Variants in PPFIA2 observed in about 807,000 individuals in gnomAD.
PPFIA2 encodes the protein liprin-alpha-2.
A neutral mutation model predicts 175.5 loss-of-function variants in PPFIA2; 46 were observed. The observed-to-expected ratio is 0.26, with a 90% CI of 0.21 to 0.34. The LOEUF (loss-of-function observed/expected upper bound fraction) is 0.34, where lower values mean the gene tolerates loss of function less well. Ranked by LOEUF, PPFIA2 falls within the 10% of genes least tolerant of loss-of-function variation. The probability of loss-of-function intolerance (pLI) is 1.00; values close to 1 mark genes in which losing one functional copy is unlikely to be tolerated. For missense variants in PPFIA2, 1,179 were observed against 1,506.1 expected (o/e 0.78, Z 3.60); for synonymous variants, 568 against 511.4 (o/e 1.11, Z -1.49).
chr12:81,501,396 A>G (rs1015467703), intron 4 of PPFIA2, among the ~76,000 whole-genome samples: 2 of 152,154 alleles, frequency 1.3e-5, no homozygotes, highest in Non-Finnish European at 2.9e-5. Context: ...CTTTACATTT[A>G]ATCAGAACAT....
At chr12:81,511,077 AT>A (rs1439542403) in intron 4 of PPFIA2, among the ~76,000 whole-genome samples, 1 of 152,128 alleles carries the variant, frequency 6.6e-6, no homozygotes, top group Non-Finnish European at 1.5e-5. Flanking sequence ...TAAGATTTTC[AT>A]TGCAAGATAC....
chr12:81,275,369 A>G (rs1013830789), intron 28 of PPFIA2, among the ~76,000 whole-genome samples: 3 of 152,234 alleles, frequency 2.0e-5, no homozygotes, highest in Non-Finnish European at 4.4e-5. Flanking sequence ...GTAGAAAACT[A>G]TTTTTAACCA....
intron 4 of PPFIA2, among the ~76,000 whole-genome samples, chr12:81,591,046 G>A (rs1043749849): frequency 1.3e-5 from 2 of 152,170 alleles, no homozygotes; most frequent in Non-Finnish European, 2.9e-5. Flanking sequence ...CTTATTGAAT[G>A]ACTTTGACCA....
intron 4 of PPFIA2, among the ~76,000 whole-genome samples, chr12:81,612,647 A>G (rs2061042111): frequency 6.6e-6 from 1 of 152,216 alleles, no homozygotes; most frequent in South Asian, 2.1e-4. Flanking sequence ...CAAGTGAACA[A>G]AAAGGCATGT....
intron 4 of PPFIA2, among the ~76,000 whole-genome samples, chr12:81,574,522 G>T (rs889758155): frequency 6.6e-6 from 1 of 151,684 alleles, no homozygotes; most frequent in Non-Finnish European, 1.5e-5. Context: ...CATCCCTGGT[G>T]TAAAAGATTG....
Position 81,303,176 on chromosome 12 carries a change from A to G in PPFIA2, c.2643-3794T>C, listed in dbSNP as rs116913902. Among the ~76,000 whole-genome samples, 176 of 152,342 alleles carry G rather than the reference A, an allele frequency of 1.2e-3. 7 individuals are homozygous for G. The East Asian group carries it at 0.031, about 27-fold the overall frequency. Reference sequence around the variant, plus strand: ...CAACTTTTTTTAAAGGTCAAGTGACAGTTCATCCAGAAAAAGAATGTGATC... The same window carrying G: ...CAACTTTTTTTAAAGGTCAAGTGACGGTTCATCCAGAAAAAGAATGTGATC... On this transcript the variant is annotated intron_variant, in intron 22 of 32. Coordinates refer to ENST00000549396, the MANE Select transcript of PPFIA2 (RefSeq NM_003625.5).
At chr12:81,453,364 A>G (rs1023617832) in intron 5 of PPFIA2, among the ~76,000 whole-genome samples, 1 of 152,148 alleles carries the variant, frequency 6.6e-6, no homozygotes, top group Non-Finnish European at 1.5e-5. Context: ...TGACATTCAC[A>G]GGCAATAACT....
At chr12:81,561,624 A>G (rs1020091170) in intron 4 of PPFIA2, among the ~76,000 whole-genome samples, 1 of 152,142 alleles carries the variant, frequency 6.6e-6, no homozygotes, top group African/African-American at 2.4e-5. Context: ...AATAAATTTT[A>G]TATTCTCTGG....
intron 4 of PPFIA2, among the ~76,000 whole-genome samples, chr12:81,556,062 AG>A (rs943786881): frequency 6.6e-6 from 1 of 151,958 alleles, no homozygotes; most frequent in Non-Finnish European, 1.5e-5. Context: ...GTCTGTAACT[AG>A]CCATGATATG....
intron 22 of PPFIA2, among the ~76,000 whole-genome samples, chr12:81,323,651 ATAT>A (rs1478992205): frequency 6.6e-6 from 1 of 152,054 alleles, no homozygotes; most frequent in African/African-American, 2.4e-5. Flanking sequence ...ACATTTAATA[ATAT>A]TAATAATTAA....
At chr12:81,510,368 A>G (rs1045525096) in intron 4 of PPFIA2, among the ~76,000 whole-genome samples, 2 of 152,126 alleles carry the variant, frequency 1.3e-5, no homozygotes, top group African/African-American at 4.8e-5. Flanking sequence ...AATCACATAG[A>G]AACTCAAACT....
intron 3 of PPFIA2, among the ~76,000 whole-genome samples, chr12:81,699,530 A>G (rs868032332): frequency 1.4e-5 from 2 of 144,322 alleles, no homozygotes; most frequent in South Asian, 4.6e-4. Context: ...TATAAACATA[A>G]AATAATAATA....
intron 4 of PPFIA2, among the ~76,000 whole-genome samples, chr12:81,469,441 C>T (rs578125833): frequency 3.0e-4 from 46 of 152,182 alleles, no homozygotes; most frequent in Non-Finnish European, 5.9e-4. Flanking sequence ...TCCAGGGTGC[C>T]CCGCATGCAC....
At chr12:81,412,843 C>T (rs2044240222) in intron 7 of PPFIA2, among the ~76,000 whole-genome samples, 1 of 151,912 alleles carries the variant, frequency 6.6e-6, no homozygotes, top group Non-Finnish European at 1.5e-5. Context: ...AATGAATTGA[C>T]TTCCACTTGC....
At chr12:81,611,725 G>C (rs1359555687) in intron 4 of PPFIA2, among the ~76,000 whole-genome samples, 2 of 152,106 alleles carry the variant, frequency 1.3e-5, no homozygotes, top group Non-Finnish European at 1.5e-5. Context: ...GAGTGGGGAG[G>C]CGGGCCCAAG....
At chr12:81,578,254 G>A (rs1595175779) in intron 4 of PPFIA2, among the ~76,000 whole-genome samples, 1 of 151,582 alleles carries the variant, frequency 6.6e-6, no homozygotes, top group East Asian at 1.9e-4. Context: ...ATTCACACAA[G>A]GTGACCTCTA....
intron 4 of PPFIA2, among the ~76,000 whole-genome samples, chr12:81,662,156 A>C (rs1328516817): frequency 1.3e-5 from 2 of 152,186 alleles, no homozygotes; most frequent in Non-Finnish European, 2.9e-5. Flanking sequence ...AAGCAAGAGC[A>C]AACACATTCA....
chr12:81,592,337 ATGAGT>A (rs1235669643), intron 4 of PPFIA2, among the ~76,000 whole-genome samples: 2 of 152,152 alleles, frequency 1.3e-5, no homozygotes, highest in Non-Finnish European at 2.9e-5. Flanking sequence ...TAATGCTGAA[ATGAGT>A]TAAGATTTTG....
intron 3 of PPFIA2, among the ~76,000 whole-genome samples, chr12:81,731,430 C>T (rs988275193): frequency 6.6e-6 from 1 of 151,658 alleles, no homozygotes; most frequent in East Asian, 2.0e-4. Context: ...AGATTTGAGA[C>T]ACAGGGAGGT....
Sources: gnomAD v4.1 joint callset for allele counts (sites outside exome capture counted in the v4.1 genomes callset) on GRCh38, gnomAD v4.1.1 for gene constraint, MANE v1.5 for transcripts, NCBI Gene and HGNC (gene_info 2026-07-23, HGNC 2026-07-21) for gene names.